The following NRG2 variants were observed in gnomAD, a reference collection of about 807,000 sequenced individuals.
NRG2 encodes the protein neuregulin 2.
In NRG2, 27 loss-of-function variants were observed where a neutral mutation model predicts 73.9. The observed-to-expected ratio is 0.37, with a 90% confidence interval of 0.27 to 0.50. NRG2 has a LOEUF of 0.50. Among genes scored for constraint, NRG2 ranks in the 20% least tolerant of loss-of-function variants. NRG2 has a pLI of 0.96. For missense variants in NRG2, 1,126 were observed against 1,210.1 expected (o/e 0.93, Z 1.03); for synonymous variants, 532 against 541.0 (o/e 0.98, Z 0.23).
chr5:139,890,300 T>G (rs559568546), intron 1 of NRG2, among the ~76,000 whole-genome samples: 4 of 152,356 alleles, frequency 2.6e-5, no homozygotes, highest in Admixed American at 6.5e-5. Flanking sequence ...TGTTCATGCA[T>G]GCAGTCTGTT....
At chr5:140,025,792 AT>A (rs1238429573) in intron 1 of NRG2, among the ~76,000 whole-genome samples, 2 of 152,248 alleles carry the variant, frequency 1.3e-5, no homozygotes, top group Admixed American at 6.5e-5. Flanking sequence ...GTTAACTTAC[AT>A]AAGGCACAAA....
intron 5 of NRG2, among the ~76,000 whole-genome samples, chr5:139,857,746 C>A (rs1480924258): frequency 6.6e-6 from 1 of 152,110 alleles, no homozygotes; most frequent in East Asian, 1.9e-4. Context: ...CGACTCTTCC[C>A]AGCTCATGGA....
rs1172187339 is a variant in NRG2, at chr5:139,855,717, C to G, written c.1251G>C (p.Leu417=). The change falls in exon 6 of 10, where the codon CTG becomes CTC. Residue 417 remains leucine, a synonymous_variant. Coordinates refer to ENST00000361474, the MANE Select transcript of NRG2 (RefSeq NM_004883.3). ...LTITGICVAL[L]VVGIVCVVAY... Reference sequence around the variant, plus strand: ...CCACCACACAGACGATGCCCACGACCAGCAGAGCCACGCAGATGCCCGTGA... The same window carrying G: ...CCACCACACAGACGATGCCCACGACGAGCAGAGCCACGCAGATGCCCGTGA... 6.2e-7 allele frequency: 1 copy of G among 1,614,124 alleles called. No homozygotes were observed. The highest frequency in any genetic ancestry group is 8.5e-7 in the Non-Finnish European group (1 of 1,179,998).
At chr5:139,874,442 G>A (rs149374572) in intron 3 of NRG2, among the ~76,000 whole-genome samples, 7 of 152,262 alleles carry the variant, frequency 4.6e-5, no homozygotes, top group South Asian at 4.1e-4. Flanking sequence ...GGGCATCTTT[G>A]ATTTCATCCT....
intron 1 of NRG2, among the ~76,000 whole-genome samples, chr5:139,981,284 G>A (rs554143311): frequency 4.5e-4 from 68 of 152,280 alleles, no homozygotes; most frequent in Non-Finnish European, 9.0e-4. Flanking sequence ...CCTTCCTCCA[G>A]AGGTGGCTTG....
chr5:139,965,684 T>C, intron 1 of NRG2, among the ~76,000 whole-genome samples: 1 of 152,240 alleles, frequency 6.6e-6, no homozygotes, highest in Non-Finnish European at 1.5e-5. Context: ...CTATACTTTC[T>C]GCCAAGATAT....
At chr5:139,955,465 T>A (rs760315385) in intron 1 of NRG2, among the ~76,000 whole-genome samples, 2 of 152,066 alleles carry the variant, frequency 1.3e-5, no homozygotes, top group Non-Finnish European at 2.9e-5. Context: ...TAGAGAGGTT[T>A]GGCAGCAGCC....
chr5:139,881,804 CT>C (rs1443943527), intron 2 of NRG2, among the ~76,000 whole-genome samples: 1 of 152,224 alleles, frequency 6.6e-6, no homozygotes, highest in Non-Finnish European at 1.5e-5. Flanking sequence ...AGCTTTGCAC[CT>C]AGTCCCTGCA....
At chr5:139,962,805 C>T (rs1755179568) in intron 1 of NRG2, among the ~76,000 whole-genome samples, 2 of 152,316 alleles carry the variant, frequency 1.3e-5, no homozygotes, top group Admixed American at 6.5e-5. Context: ...ATTCTAGATG[C>T]CTGGGCCTGG....
At chr5:139,890,186 T>C (rs1427212008) in intron 1 of NRG2, among the ~76,000 whole-genome samples, 1 of 152,120 alleles carries the variant, frequency 6.6e-6, no homozygotes, top group African/African-American at 2.4e-5. Flanking sequence ...AGGCAAAAGA[T>C]AACGTCTCTT....
At chr5:140,009,514 A>G (rs943273160) in intron 1 of NRG2, among the ~76,000 whole-genome samples, 26 of 152,352 alleles carry the variant, frequency 1.7e-4, no homozygotes, top group Middle Eastern at 3.4e-3. Context: ...TTGGGAAAAT[A>G]CCAAAGAATG....
chr5:139,969,272 T>C (rs1320316057), intron 1 of NRG2, among the ~76,000 whole-genome samples: 1 of 152,234 alleles, frequency 6.6e-6, no homozygotes, highest in Non-Finnish European at 1.5e-5. Context: ...AAGTTCTAGA[T>C]TTGGCAAAAG....
intron 1 of NRG2, among the ~76,000 whole-genome samples, chr5:139,923,171 G>A (rs1053280370): frequency 1.6e-4 from 25 of 152,120 alleles, no homozygotes; most frequent in East Asian, 3.8e-4. Flanking sequence ...GGGGAATGTC[G>A]ATAGTGGGTT....
intron 1 of NRG2, among the ~76,000 whole-genome samples, chr5:139,966,551 G>A (rs1360773362): frequency 6.6e-6 from 1 of 152,100 alleles, no homozygotes; most frequent in Admixed American, 6.5e-5. Flanking sequence ...TCTTAGGGGT[G>A]GTGTGAACTA....
chr5:140,013,428 A>G (rs953949254), intron 1 of NRG2, among the ~76,000 whole-genome samples: 4 of 152,234 alleles, frequency 2.6e-5, no homozygotes, highest in African/African-American at 9.7e-5. Flanking sequence ...CAGAAAGACA[A>G]AAAAGTTCTG....
At chr5:139,897,062 T>A (rs1422718) in intron 1 of NRG2, among the ~76,000 whole-genome samples, 29,499 of 152,096 alleles carry the variant, frequency 0.19, 3,104 homozygotes, top group Middle Eastern at 0.29. Context: ...CTCCCCAAAC[T>A]TGCCCATGCC....
At chr5:139,928,652 T>C (rs1752241853) in intron 1 of NRG2, among the ~76,000 whole-genome samples, 1 of 152,168 alleles carries the variant, frequency 6.6e-6, no homozygotes, top group South Asian at 2.1e-4. Flanking sequence ...TGCTGGTCTT[T>C]CCTGATGGTC....
intron 1 of NRG2, among the ~76,000 whole-genome samples, chr5:140,006,333 C>G (rs1758899092): frequency 6.6e-6 from 1 of 152,230 alleles, no homozygotes; most frequent in Non-Finnish European, 1.5e-5. Context: ...CAATTTGGCT[C>G]TCTCCTACAC....
chr5:140,013,980 A>G (rs909255367), intron 1 of NRG2, among the ~76,000 whole-genome samples: 2 of 152,028 alleles, frequency 1.3e-5, no homozygotes, highest in Non-Finnish European at 2.9e-5. Context: ...CTAGGGCTCG[A>G]GTCCTTGCTC....
Sources: allele counts gnomAD v4.1 joint callset (sites outside exome capture counted in the v4.1 genomes callset), GRCh38; gene constraint gnomAD v4.1.1; transcripts MANE v1.5; gene names NCBI Gene and HGNC (gene_info 2026-07-23, HGNC 2026-07-21).